The following SLC25A24 variants were observed in gnomAD, a reference collection of about 807,000 sequenced individuals.
The protein encoded by SLC25A24 is solute carrier family 25 member 24.
In SLC25A24, 49 loss-of-function variants were observed where a neutral mutation model predicts 60.7. The observed-to-expected ratio is 0.81, with a 90% CI of 0.64 to 1.02. The LOEUF is 1.02. Among genes scored for constraint, SLC25A24 ranks in the 50% least tolerant of loss-of-function variants. The pLI, the probability that SLC25A24 is intolerant of heterozygous loss-of-function variation, is 0.00. For synonymous variants in SLC25A24, 202 were observed against 200.6 expected (o/e 1.01, Z -0.06); for missense variants, 564 against 586.3 (o/e 0.96, Z 0.39).
At chr1:108,169,958 C>T (rs1369874145) in intron 3 of SLC25A24, among the ~76,000 whole-genome samples, 1 of 152,020 alleles carries the variant, frequency 6.6e-6, no homozygotes, top group Non-Finnish European at 1.5e-5. Context: ...TTTCCAGAGG[C>T]TTGTCTTTTC....
intron 1 of SLC25A24, chr1:108,198,746 AG>A (rs1648573442): frequency 6.6e-6 from 1 of 152,130 alleles, no homozygotes; most frequent in Non-Finnish European, 1.5e-5. Context: ...CTCCCTTCAA[AG>A]GCACCTACTG....
At chr1:108,192,622 C>T in intron 1 of SLC25A24, 1 of 1,495,892 alleles carries the variant, frequency 6.7e-7, no homozygotes, top group Non-Finnish European at 9.0e-7. Flanking sequence ...GGGAGTCCAT[C>T]GAGGATGTCT....
At chr1:108,184,653 T>C (rs1357152868) in intron 2 of SLC25A24, among the ~76,000 whole-genome samples, 1 of 152,186 alleles carries the variant, frequency 6.6e-6, no homozygotes, top group East Asian at 1.9e-4. Flanking sequence ...TCTTTGTAAA[T>C]AAAGTTTTAT....
Position 108,200,100 on chromosome 1 carries a change from C to A in SLC25A24, c.39G>T (p.Ala13=). The change falls in exon 1 of 10, where the codon GCG becomes GCT. Residue 13 remains alanine (A), a synonymous_variant. Coordinates refer to ENST00000565488, the MANE Select transcript of SLC25A24 (RefSeq NM_013386.5). The stretch of plus-strand genomic sequence containing the variant: ...TCGGCTGCTCCGCGTCCTGGCAGGC[C>A]GCGGTGGGCAGCACGAAGTCCCGCA... ...RWLRDFVLPT[A]ACQDAEQPTR... 4 of 1,572,778 alleles carry A rather than the reference C, an allele frequency of 2.5e-6. No individual in the cohort carries two copies. Among genetic ancestry groups the A allele is most frequent in the Non-Finnish European group, 3.4e-6 (4 of 1,159,874 alleles).
rs1245302502 is a variant in SLC25A24, at chr1:108,136,402, T to G, written c.*251A>C. ...CAGATTTCGGATTCAGGGCAGAGAT[T>G]TGCAGGATTATTAAGAAAAGATAAA... On this transcript the variant is annotated 3_prime_UTR_variant, in exon 10 of 10. Coordinates refer to ENST00000565488, the MANE Select transcript of SLC25A24 (RefSeq NM_013386.5). 6.1e-6 allele frequency: 2 copies of G among 330,276 alleles called. No homozygotes were observed. The highest frequency in any genetic ancestry group is 1.1e-5 in the Non-Finnish European group (2 of 183,298). 20.5% of individuals were successfully genotyped at this position (330,276 alleles called of 1,614,324 possible).
chr1:108,148,988 G>A (rs943222370), intron 6 of SLC25A24, among the ~76,000 whole-genome samples: 13 of 152,160 alleles, frequency 8.5e-5, no homozygotes, highest in Non-Finnish European at 1.5e-4. Context: ...CTCCCAGATT[G>A]GACCAAGTTG....
intron 1 of SLC25A24, among the ~76,000 whole-genome samples, chr1:108,188,763 G>A (rs998885910): frequency 1.3e-5 from 2 of 152,230 alleles, no homozygotes; most frequent in African/African-American, 2.4e-5. Flanking sequence ...AGGTTTGGGG[G>A]CGGATTCTGG....
chr1:108,165,283 C>G (rs1294979303), intron 3 of SLC25A24, among the ~76,000 whole-genome samples: 17 of 152,076 alleles, frequency 1.1e-4, no homozygotes, highest in South Asian at 2.1e-4. Context: ...ATTTGGGGTG[C>G]AGAGTTCTGT....
intron 9 of SLC25A24, 72 bp downstream of exon 9, chr1:108,138,986 G>T: frequency 7.4e-7 from 1 of 1,353,744 alleles, no homozygotes; most frequent in South Asian, 1.9e-5. Context: ...CATCTTAGTA[G>T]AACTTGGAGT....
intron 7 of SLC25A24, among the ~76,000 whole-genome samples, chr1:108,147,560 G>T (rs1399845864): frequency 6.6e-6 from 1 of 152,086 alleles, no homozygotes; most frequent in Non-Finnish European, 1.5e-5. Context: ...TTTTAAAAAT[G>T]TAAAAGGCAT....
chr1:108,170,573 T>C (rs1192674778), intron 3 of SLC25A24, among the ~76,000 whole-genome samples: 1 of 152,136 alleles, frequency 6.6e-6, no homozygotes, highest in Non-Finnish European at 1.5e-5. Flanking sequence ...CTCACCACTA[T>C]GATGGATTTG....
intron 1 of SLC25A24, among the ~76,000 whole-genome samples, chr1:108,192,187 G>C (rs989727525): frequency 7.2e-6 from 1 of 138,554 alleles, no homozygotes; most frequent in Non-Finnish European, 1.6e-5. Context: ...CGCCCCTCTG[G>C]GTGACTAATG....
chr1:108,169,429 A>T (rs829007), intron 3 of SLC25A24, among the ~76,000 whole-genome samples: 107,419 of 152,056 alleles, frequency 0.71, 38,372 homozygotes, highest in African/African-American at 0.81. Context: ...TCTTCTTTAA[A>T]GCCTTCTAAC....
intron 3 of SLC25A24, among the ~76,000 whole-genome samples, chr1:108,171,446 C>T (rs559009577): frequency 4.2e-4 from 64 of 152,270 alleles, no homozygotes; most frequent in African/African-American, 1.5e-3. Context: ...AATCCATAGG[C>T]CACTAGCTAA....
chr1:108,178,462 T>C (rs988171574), intron 3 of SLC25A24, among the ~76,000 whole-genome samples: 4 of 152,136 alleles, frequency 2.6e-5, no homozygotes, highest in African/African-American at 9.7e-5. Context: ...AAACAAGTCT[T>C]AACAAATTTA....
At position 108,177,179 on chromosome 1, in the gene SLC25A24, T is replaced by C. The variant is rs191394944; in HGVS notation, c.398+4762A>G. Among the ~76,000 whole-genome samples the C allele has an allele frequency of 2.2e-3, 333 of 152,268 alleles. 1 individual carries two copies. The highest frequency in any genetic ancestry group is 0.01 in the Middle Eastern group (3 of 294). ...GGTTTTTGCAATAAAAATTAAGTTA[T>C]CAAGTTAAAATAAACTATTATAACT... On this transcript the variant is annotated intron_variant, in intron 3 of 9. Transcript: ENST00000565488.
At chr1:108,169,744 T>C (rs921768790) in intron 3 of SLC25A24, among the ~76,000 whole-genome samples, 1 of 152,208 alleles carries the variant, frequency 6.6e-6, no homozygotes, top group Non-Finnish European at 1.5e-5. Flanking sequence ...ATCTCTTCAA[T>C]TGCTTAGGTA....
intron 3 of SLC25A24, among the ~76,000 whole-genome samples, chr1:108,166,300 T>C (rs967318200): frequency 6.6e-6 from 1 of 151,388 alleles, no homozygotes; most frequent in Non-Finnish European, 1.5e-5. Context: ...AGGAGTATCT[T>C]TGTGGCGTTC....
At chr1:108,167,306 T>C (rs1680285472) in intron 3 of SLC25A24, among the ~76,000 whole-genome samples, 1 of 151,972 alleles carries the variant, frequency 6.6e-6, no homozygotes, top group Non-Finnish European at 1.5e-5. Context: ...CCTTGAGCTG[T>C]GGTGGGCTCC....
Sources: gnomAD v4.1 joint callset for allele counts (sites outside exome capture counted in the v4.1 genomes callset) on GRCh38, gnomAD v4.1.1 for gene constraint, MANE v1.5 for transcripts, NCBI Gene and HGNC (gene_info 2026-07-23, HGNC 2026-07-21) for gene names.